EFNA5: variants seen among roughly 807,000 people sequenced by gnomAD.
EFNA5 encodes the protein ephrin-A5.
Under a neutral mutation model 22.9 loss-of-function variants are expected in EFNA5, and 5 were observed. The observed-to-expected ratio is 0.22, with a 90% CI of 0.11 to 0.46. The LOEUF (loss-of-function observed/expected upper bound fraction) is 0.46. EFNA5 is among the 20% of genes least tolerant of loss of function. EFNA5 has a pLI of 0.99. For missense variants in EFNA5, 237 were observed against 293.3 expected (o/e 0.81, Z 1.40); for synonymous variants, 113 against 112.2 (o/e 1.01, Z -0.04).
At chr5:107,383,998 C>T (rs953619182) in intron 4 of EFNA5, among the ~76,000 whole-genome samples, 1 of 152,202 alleles carries the variant, frequency 6.6e-6, no homozygotes, top group African/African-American at 2.4e-5. Context: ...TTCTCTTCTT[C>T]CTGCAACATG....
At chr5:107,498,852 C>T (rs1257513435) in intron 1 of EFNA5, among the ~76,000 whole-genome samples, 7 of 152,164 alleles carry the variant, frequency 4.6e-5, no homozygotes, top group African/African-American at 1.7e-4. Context: ...TGTGATAAGG[C>T]TGCAGGGGAT....
chr5:107,483,810 C>G (rs866897313), intron 1 of EFNA5, among the ~76,000 whole-genome samples: 31 of 152,082 alleles, frequency 2.0e-4, no homozygotes, highest in African/African-American at 7.5e-4. Flanking sequence ...AAACTGAAAT[C>G]CAAGAACTGG....
At chr5:107,632,548 G>T (rs1750278294) in intron 1 of EFNA5, among the ~76,000 whole-genome samples, 1 of 151,932 alleles carries the variant, frequency 6.6e-6, no homozygotes, top group African/African-American at 2.4e-5. Flanking sequence ...CTCCCCTCCA[G>T]CATCCTTTCC....
At chr5:107,519,683 A>G (rs1201965678) in intron 1 of EFNA5, among the ~76,000 whole-genome samples, 1 of 152,244 alleles carries the variant, frequency 6.6e-6, no homozygotes, top group Non-Finnish European at 1.5e-5. Context: ...CACTGCAGAA[A>G]ATGTAAAATT....
At chr5:107,575,344 T>C (rs1431484395) in intron 1 of EFNA5, among the ~76,000 whole-genome samples, 1 of 152,208 alleles carries the variant, frequency 6.6e-6, no homozygotes, top group Non-Finnish European at 1.5e-5. Flanking sequence ...GCAGACACTT[T>C]CCCAAAATGT....
chr5:107,621,931 G>A (rs1750047321), intron 1 of EFNA5, among the ~76,000 whole-genome samples: 1 of 151,766 alleles, frequency 6.6e-6, no homozygotes, highest in African/African-American at 2.4e-5. Context: ...TTAAACAGGA[G>A]ATAATATTGT....
chr5:107,402,120 T>C (rs779648821), intron 2 of EFNA5, among the ~76,000 whole-genome samples: 3 of 152,282 alleles, frequency 2.0e-5, no homozygotes, highest in East Asian at 1.9e-4. Context: ...CTTGGAGATA[T>C]GTAGATATTC....
intron 1 of EFNA5, among the ~76,000 whole-genome samples, chr5:107,668,498 G>A (rs771494884): frequency 1.6e-4 from 25 of 152,164 alleles, no homozygotes; most frequent in Non-Finnish European, 3.2e-4. Flanking sequence ...GGGGGTTAAA[G>A]TAGGGGTGTT....
At chr5:107,466,674 C>G (rs371594632) in intron 1 of EFNA5, among the ~76,000 whole-genome samples, 6 of 152,312 alleles carry the variant, frequency 3.9e-5, no homozygotes, top group South Asian at 4.1e-4. Flanking sequence ...ACACCACTCA[C>G]TCGGTGTCTA....
chr5:107,606,320 A>C (rs955037733), intron 1 of EFNA5, among the ~76,000 whole-genome samples: 7 of 152,166 alleles, frequency 4.6e-5, no homozygotes. Flanking sequence ...TGCAGAGTAA[A>C]GAACAGATTA....
At chr5:107,566,292 T>C (rs1232047364) in intron 1 of EFNA5, among the ~76,000 whole-genome samples, 1 of 152,144 alleles carries the variant, frequency 6.6e-6, no homozygotes, top group African/African-American at 2.4e-5. Context: ...TGTTACTGGG[T>C]GAGAGCCTTC....
chr5:107,563,226 T>G (rs1748587229), intron 1 of EFNA5, among the ~76,000 whole-genome samples: 1 of 152,154 alleles, frequency 6.6e-6, no homozygotes, highest in Non-Finnish European at 1.5e-5. Context: ...TTTGAATAAT[T>G]CCACACTAAC....
chr5:107,476,261 C>G (rs1750306935), intron 1 of EFNA5, among the ~76,000 whole-genome samples: 3 of 150,964 alleles, frequency 2.0e-5, no homozygotes, highest in Admixed American at 2.0e-4. Context: ...CAATGTTGGC[C>G]AGGCTGGTCT....
chr5:107,509,233 A>C (rs937733689), intron 1 of EFNA5, among the ~76,000 whole-genome samples: 3 of 151,974 alleles, frequency 2.0e-5, no homozygotes, highest in African/African-American at 4.8e-5. Context: ...CCTTTTACAG[A>C]CTCTTTAAGA....
At chr5:107,381,493 T>C (rs553482134) in intron 4 of EFNA5, 117 bp from the exon 5 acceptor site, 2 of 1,182,892 alleles carry the variant, frequency 1.7e-6, no homozygotes, top group Non-Finnish European at 2.3e-6. Context: ...ATGAACCTTG[T>C]GCCACCATTG....
intron 1 of EFNA5, among the ~76,000 whole-genome samples, chr5:107,656,873 TAACA>T (rs890763599): frequency 3.9e-5 from 6 of 152,122 alleles, no homozygotes; most frequent in African/African-American, 1.4e-4. Flanking sequence ...CAAAAAATTT[TAACA>T]GACAAGTGAC....
intron 4 of EFNA5, among the ~76,000 whole-genome samples, chr5:107,386,303 G>A (rs559326164): frequency 2.6e-5 from 4 of 151,968 alleles, no homozygotes; most frequent in East Asian, 1.9e-4. Context: ...GGGGAGAAGA[G>A]GACACCACAG....
At chr5:107,569,472 T>C (rs952945701) in intron 1 of EFNA5, among the ~76,000 whole-genome samples, 3 of 136,220 alleles carry the variant, frequency 2.2e-5, no homozygotes, top group Non-Finnish European at 1.5e-5. Context: ...TATTTATATA[T>C]ATGTGTATAT....
At chr5:107,416,345 T>A (rs1748503880) in intron 2 of EFNA5, among the ~76,000 whole-genome samples, 1 of 152,198 alleles carries the variant, frequency 6.6e-6, no homozygotes, top group African/African-American at 2.4e-5. Flanking sequence ...TTTAAAATAT[T>A]TATTATGAAA....
Sources: allele counts gnomAD v4.1 joint callset (sites outside exome capture counted in the v4.1 genomes callset), GRCh38; gene constraint gnomAD v4.1.1; transcripts MANE v1.5; gene names NCBI Gene and HGNC (gene_info 2026-07-23, HGNC 2026-07-21).